Variants in MRE11 observed in about 807,000 individuals in gnomAD.
MRE11 encodes double-strand break repair protein MRE11.
MRE11 carries 62 observed loss-of-function variants against 91.7 expected under a neutral mutation model. The observed-to-expected ratio is 0.68, with a 90% CI of 0.55 to 0.84. The LOEUF (loss-of-function observed/expected upper bound fraction) is 0.84, where lower values mean the gene tolerates loss of function less well. MRE11 is among the 40% of genes least tolerant of loss of function. The pLI is 0.00. For missense variants in MRE11, 796 were observed against 852.9 expected, an observed-to-expected ratio of 0.93 and a Z score of 0.83; for synonymous variants, 273 against 271.4, an observed-to-expected ratio of 1.01 and a Z score of -0.06.
At chr11:94,424,574 GGA>G (rs1386504278) in intron 19 of MRE11, among the ~76,000 whole-genome samples, 11 of 152,148 alleles carry the variant, frequency 7.2e-5, no homozygotes, top group Non-Finnish European at 5.9e-5. Flanking sequence ...TCAAGATTCA[GGA>G]GAAAGTTAAA....
chr11:94,434,905 CA>C (rs1407132021), intron 18 of MRE11, among the ~76,000 whole-genome samples: 1 of 152,110 alleles, frequency 6.6e-6, no homozygotes, highest in Non-Finnish European at 1.5e-5. Flanking sequence ...ATATAATGCT[CA>C]AACAGAAAAT....
At chr11:94,485,879 A>C in intron 4 of MRE11, 45 bp downstream of exon 4, 1 of 1,575,074 alleles carries the variant, frequency 6.3e-7, no homozygotes. Context: ...TACAGCAAAT[A>C]CCATACACAA....
chr11:94,469,784 A>G (rs1200916824), intron 9 of MRE11, among the ~76,000 whole-genome samples: 3 of 152,200 alleles, frequency 2.0e-5, no homozygotes, highest in Non-Finnish European at 4.4e-5. Context: ...GGTCATAATT[A>G]TTATCATTGT....
chr11:94,457,799 G>C (rs1946292280), intron 13 of MRE11, among the ~76,000 whole-genome samples: 1 of 151,566 alleles, frequency 6.6e-6, no homozygotes, highest in South Asian at 2.1e-4. Context: ...AGCTAATAAG[G>C]GTTTTGATTT....
Position 94,435,920 on chromosome 11 carries a change from C to T in MRE11, c.1927-21G>A, listed in dbSNP as rs199743930. 1.7e-4 allele frequency: 273 copies of T among 1,607,214 alleles called. 1 individual carries two copies. The Middle Eastern group carries it at 4.0e-3, about 23-fold the overall frequency. ...ATCACCTGGCAAGGAAACAAAGCAA[C>T]AAACAGTTTTTGTGAGAATAGACTC... On this transcript the variant is annotated intron_variant, in intron 17 of 19. Coordinates refer to ENST00000323929, the MANE Select transcript of MRE11 (RefSeq NM_005591.4).
chr11:94,498,568 G>C, upstream of MRE11: 1 of 1,528,360 alleles, frequency 6.5e-7, no homozygotes, highest in Non-Finnish European at 8.9e-7. Flanking sequence ...CTAAATACCA[G>C]TGCCTCCTGT....
intron 7 of MRE11, chr11:94,475,396 T>C: frequency 3.3e-6 from 1 of 306,698 alleles, no homozygotes; most frequent in Non-Finnish European, 6.6e-6. Context: ...CCCAGGATTT[T>C]AGGTCCTGGA....
the MRE11 span, among the ~76,000 whole-genome samples, chr11:94,502,563 T>C: frequency 6.6e-6 from 1 of 152,260 alleles, no homozygotes; most frequent in Non-Finnish European, 1.5e-5. Context: ...GCAGTTTATA[T>C]TTTTTGAATT....
rs187886738 is a variant in MRE11, at chr11:94,463,992, T to A, written c.1225+121A>T. On this transcript the variant is annotated intron_variant, in intron 11 of 19. Transcript: ENST00000323929. ...CAAGAGAATTATTCCCACTGTCAATTTGTTTAAGACATTACAATCATATTA... is the reference window on the plus strand; with the variant it reads ...CAAGAGAATTATTCCCACTGTCAATATGTTTAAGACATTACAATCATATTA... The A allele has an allele frequency of 2.7e-5, 29 of 1,084,346 alleles. No homozygotes were observed. In the Admixed American group the frequency reaches 3.6e-4, roughly 14 times the overall value. 67.2% of individuals were successfully genotyped at this position (1,084,346 alleles called of 1,614,324 possible).
chr11:94,432,416 C>T (rs1945484855), intron 18 of MRE11, among the ~76,000 whole-genome samples: 1 of 152,208 alleles, frequency 6.6e-6, no homozygotes, highest in South Asian at 2.1e-4. Context: ...AACAAACACT[C>T]TTCTGCTCTG....
intron 2 of MRE11, 28 bp from the exon 3 acceptor site, chr11:94,490,993 ATAT>A (rs747117619): frequency 1.6e-6 from 2 of 1,219,220 alleles, no homozygotes; most frequent in South Asian, 2.5e-5. Flanking sequence ...AAACATTTCA[ATAT>A]ATTAATAATT....
At chr11:94,487,301 T>A (rs12282949) in intron 3 of MRE11, among the ~76,000 whole-genome samples, 244 of 152,322 alleles carry the variant, frequency 1.6e-3, no homozygotes, top group African/African-American at 5.2e-3. Flanking sequence ...TTTAAAAAAA[T>A]TTTTTAAACT....
the MRE11 span, among the ~76,000 whole-genome samples, chr11:94,502,012 T>C: frequency 6.6e-6 from 1 of 152,210 alleles, no homozygotes. Flanking sequence ...TCATGAAAGT[T>C]CTTATATATA....
chr11:94,485,754 A>G (rs112244868), intron 4 of MRE11, among the ~76,000 whole-genome samples, 170 bp downstream of exon 4: 1 of 152,066 alleles, frequency 6.6e-6, no homozygotes, highest in Non-Finnish European at 1.5e-5. Flanking sequence ...CAGTTCCACT[A>G]TTAATTAGGA....
intron 12 of MRE11, 56 bp from the exon 13 acceptor site, chr11:94,459,637 T>A: frequency 6.4e-7 from 1 of 1,555,024 alleles, no homozygotes; most frequent in Non-Finnish European, 8.8e-7. Flanking sequence ...ACAAAATAAT[T>A]ATAGATGAGC....
At chr11:94,483,164 TTAAAAAC>T (rs1947054877) in intron 4 of MRE11, among the ~76,000 whole-genome samples, 1 of 151,886 alleles carries the variant, frequency 6.6e-6, no homozygotes, top group South Asian at 2.1e-4. Flanking sequence ...AAGTCACACT[TTAAAAAC>T]TAAATAAGAA....
chr11:94,452,153 C>T (rs1305321417), intron 14 of MRE11, among the ~76,000 whole-genome samples: 1 of 144,848 alleles, frequency 6.9e-6, no homozygotes, highest in African/African-American at 2.6e-5. Context: ...GCTGAGATCA[C>T]ACCACTGCAC....
chr11:94,435,146 G>A (rs13447719), intron 18 of MRE11, among the ~76,000 whole-genome samples: 2,347 of 152,296 alleles, frequency 0.015, 57 homozygotes, highest in South Asian at 0.1. Context: ...GTTTAGTACA[G>A]TACCATGTGT....
chr11:94,475,539 C>T (rs1946829903), intron 7 of MRE11: 1 of 452,680 alleles, frequency 2.2e-6, no homozygotes, highest in East Asian at 7.0e-5. Flanking sequence ...ATCACTGTCA[C>T]CACCTCACAT....
Sources: allele counts gnomAD v4.1 joint callset (sites outside exome capture counted in the v4.1 genomes callset), GRCh38; gene constraint gnomAD v4.1.1; transcripts MANE v1.5; gene names NCBI Gene and HGNC (gene_info 2026-07-23, HGNC 2026-07-21).